Variants in TCERG1L observed in about 807,000 individuals in gnomAD.
TCERG1L encodes the protein transcription elongation regulator 1 like.
In TCERG1L, 37 loss-of-function variants were observed where a neutral mutation model predicts 56.3. The observed-to-expected ratio is 0.66, with a 90% CI of 0.51 to 0.87. The LOEUF (loss-of-function observed/expected upper bound fraction) is 0.87, where lower values mean the gene tolerates loss of function less well. TCERG1L is among the 40% of genes least tolerant of loss of function. The pLI, the probability that TCERG1L is intolerant of heterozygous loss-of-function variation, is 0.00. For missense variants in TCERG1L, 799 were observed against 774.2 expected (o/e 1.03, Z -0.38); for synonymous variants, 324 against 326.3 (o/e 0.99, Z 0.08).
intron 4 of TCERG1L, among the ~76,000 whole-genome samples, chr10:131,234,702 G>A (rs889459644): frequency 1.3e-5 from 2 of 150,654 alleles, no homozygotes; most frequent in African/African-American, 2.5e-5. Context: ...TGTTTGTTTT[G>A]TTTTGTTGTG....
In TCERG1L at chr10:131,311,690, G is replaced by C; in HGVS notation, c.-55C>G. ...GGGGCGGCGGGCGCCCGAGATGCTG[G>C]GCCGGCGGCGGCGCGGCTCCGGAGC... On this transcript the variant is annotated 5_prime_UTR_variant, in exon 1 of 12. Coordinates refer to ENST00000368642, the MANE Select transcript of TCERG1L (RefSeq NM_174937.4). The surrounding 1 kb of genome is among the most constrained non-coding windows in gnomAD (Gnocchi z 4.0). 1 of 924,712 alleles carries C rather than the reference G, an allele frequency of 1.1e-6. No homozygotes were observed. The highest frequency in any genetic ancestry group is 1.3e-6 in the Non-Finnish European group (1 of 749,020). 57.3% of individuals were successfully genotyped at this position (924,712 alleles called of 1,614,324 possible).
intron 10 of TCERG1L, among the ~76,000 whole-genome samples, chr10:131,098,836 C>T (rs754733350): frequency 2.6e-5 from 4 of 152,210 alleles, no homozygotes; most frequent in South Asian, 2.1e-4. Context: ...TGCCTCATCA[C>T]GGCCAGTGGC....
rs147024073 is a variant in TCERG1L, at chr10:131,153,845, C to T, written c.1035-7185G>A. Among the ~76,000 whole-genome samples the T allele has an allele frequency of 2.4e-3, 368 of 152,262 alleles. 2 individuals are homozygous for T. The South Asian group carries it at 0.028, about 12-fold the overall frequency. On this transcript the variant is annotated intron_variant, in intron 6 of 11. Coordinates refer to ENST00000368642, the MANE Select transcript of TCERG1L (RefSeq NM_174937.4). ...GGAGGCCGAGTGACGGCAACTAACA[C>T]GCCACCCATTTATATCCAGGCCACA...
At chr10:131,224,006 T>A (rs1028994100) in intron 4 of TCERG1L, among the ~76,000 whole-genome samples, 1 of 151,950 alleles carries the variant, frequency 6.6e-6, no homozygotes, top group Non-Finnish European at 1.5e-5. Context: ...AGCCGCTCCA[T>A]CCCACCAGAG....
At chr10:131,246,961 G>A (rs569744455) in intron 4 of TCERG1L, among the ~76,000 whole-genome samples, 135 of 152,174 alleles carry the variant, frequency 8.9e-4, no homozygotes, top group South Asian at 3.1e-3. Context: ...CTGGTGGGGT[G>A]AGATGTGTAG....
rs142036807 is a variant in TCERG1L, at chr10:131,243,858, G to A, written c.856+16401C>T. Among the ~76,000 whole-genome samples, 670 of 152,314 alleles carry A rather than the reference G, an allele frequency of 4.4e-3. 9 individuals carry two copies. Among genetic ancestry groups the A allele is most frequent in the African/African-American group, 0.015 (631 of 41,560 alleles). On this transcript the variant is annotated intron_variant, in intron 4 of 11. Coordinates refer to ENST00000368642, the MANE Select transcript of TCERG1L (RefSeq NM_174937.4). Reference sequence around the variant, plus strand: ...AAATAACAAAATCATGAGATAGGTCGCTGAGAAAAGCCCAAGAACTGTCCA... The same window carrying A: ...AAATAACAAAATCATGAGATAGGTCACTGAGAAAAGCCCAAGAACTGTCCA...
intron 7 of TCERG1L, among the ~76,000 whole-genome samples, chr10:131,141,017 T>C (rs1315724520): frequency 6.6e-6 from 1 of 152,084 alleles, no homozygotes. Flanking sequence ...ATTTGATGGG[T>C]GTGGAGTTTA....
At chr10:131,107,803 G>A (rs556014021) in intron 9 of TCERG1L, among the ~76,000 whole-genome samples, 1 of 151,924 alleles carries the variant, frequency 6.6e-6, no homozygotes, top group African/African-American at 2.4e-5. Context: ...TACACATGCA[G>A]GTGCACACAC....
In TCERG1L at chr10:131,134,402, T is replaced by C; in HGVS notation, c.1236A>G (p.Gln412=). The C allele has an allele frequency of 6.3e-7, 1 of 1,594,734 alleles. No individual in the cohort carries two copies. The highest frequency in any genetic ancestry group is 8.5e-7 in the Non-Finnish European group (1 of 1,169,920). Residue 412 remains glutamine (Q), a synonymous_variant, in exon 8 of 12, where the codon CAA becomes CAG. Coordinates refer to ENST00000368642, the MANE Select transcript of TCERG1L (RefSeq NM_174937.4). The part of the protein sequence containing the change: ...GSSSEDNRED[Q]DVKTKRNRTE... Reference sequence around the variant, plus strand: ...ACCGGTTCCTCTTGGTTTTCACATCTTGGTCTTCCCTGTTGTCTTCAGAAC... The same window carrying C: ...ACCGGTTCCTCTTGGTTTTCACATCCTGGTCTTCCCTGTTGTCTTCAGAAC...
intron 9 of TCERG1L, among the ~76,000 whole-genome samples, chr10:131,109,630 T>C (rs1278072199): frequency 1.3e-5 from 2 of 152,174 alleles, no homozygotes; most frequent in East Asian, 3.9e-4. Flanking sequence ...TCTCATCTGA[T>C]CGCTGTTTCA....
intron 9 of TCERG1L, among the ~76,000 whole-genome samples, chr10:131,104,585 G>A (rs1234509878): frequency 6.6e-6 from 1 of 152,136 alleles, no homozygotes; most frequent in Non-Finnish European, 1.5e-5. Context: ...TCTTTCTTGG[G>A]TATCTTTCAG....
At chr10:131,310,401 TAAC>T (rs1227654039) in intron 1 of TCERG1L, among the ~76,000 whole-genome samples, 14 of 152,240 alleles carry the variant, frequency 9.2e-5, no homozygotes, top group East Asian at 1.9e-4. Flanking sequence ...AGCAGGAGTT[TAAC>T]AACATCTTTT....
intron 6 of TCERG1L, among the ~76,000 whole-genome samples, chr10:131,157,085 C>T (rs551600744): frequency 9.8e-5 from 15 of 152,316 alleles, no homozygotes; most frequent in African/African-American, 3.1e-4. Context: ...ATGCACCGTA[C>T]TCATTTTGAT....
chr10:131,130,952 G>T (rs1412530964), intron 8 of TCERG1L, among the ~76,000 whole-genome samples: 1 of 152,124 alleles, frequency 6.6e-6, no homozygotes, highest in Non-Finnish European at 1.5e-5. Flanking sequence ...TGGGGTAACT[G>T]AATTATATGA....
intron 4 of TCERG1L, among the ~76,000 whole-genome samples, chr10:131,241,315 C>G (rs1227971676): frequency 6.6e-6 from 1 of 152,116 alleles, no homozygotes; most frequent in Non-Finnish European, 1.5e-5. Flanking sequence ...AGGAAAAAGT[C>G]AAAGAGGCAA....
chr10:131,137,528 A>G (rs146790167), intron 7 of TCERG1L, among the ~76,000 whole-genome samples: 2,326 of 152,190 alleles, frequency 0.015, 31 homozygotes, highest in South Asian at 0.031. Context: ...CAGGGGAGGG[A>G]GCATTCCAGC....
chr10:131,137,342 C>T (rs191718335), intron 7 of TCERG1L, among the ~76,000 whole-genome samples: 3 of 152,312 alleles, frequency 2.0e-5, no homozygotes, highest in African/African-American at 7.2e-5. Flanking sequence ...CCTGGCTTCT[C>T]CCTGGTCCCT....
At chr10:131,102,882 T>C (rs1046917946) in intron 10 of TCERG1L, among the ~76,000 whole-genome samples, 7 of 152,064 alleles carry the variant, frequency 4.6e-5, no homozygotes, top group African/African-American at 1.7e-4. Context: ...AGGCCCCTCC[T>C]GTGAGCCAAC....
intron 4 of TCERG1L, among the ~76,000 whole-genome samples, chr10:131,248,610 G>A (rs753846893): frequency 1.3e-5 from 2 of 152,190 alleles, no homozygotes; most frequent in African/African-American, 4.8e-5. Context: ...TGTGGCTGGA[G>A]GGCCATCTTA....
Sources: gnomAD v4.1 joint callset for allele counts (sites outside exome capture counted in the v4.1 genomes callset) on GRCh38, gnomAD v4.1.1 for gene constraint, Gnocchi (gnomAD v3.1) non-coding constraint, MANE v1.5 for transcripts, NCBI Gene and HGNC (gene_info 2026-07-23, HGNC 2026-07-21) for gene names.